Variants in CLSTN2 observed in about 807,000 individuals in gnomAD.
The protein encoded by CLSTN2 is calsyntenin 2.
A neutral mutation model predicts 101.2 loss-of-function variants in CLSTN2; 48 were observed. The ratio of observed to expected loss-of-function variants is 0.47; its 90% CI spans 0.38 to 0.60. CLSTN2 has a LOEUF of 0.60. Among genes scored for constraint, CLSTN2 ranks in the 20% least tolerant of loss-of-function variants. The probability of loss-of-function intolerance (pLI) is 0.00; values close to 1 mark genes in which losing one functional copy is unlikely to be tolerated. For missense variants in CLSTN2, 1,160 were observed against 1,238.2 expected, an observed-to-expected ratio of 0.94 and a Z score of 0.95; for synonymous variants, 481 against 463.6, an observed-to-expected ratio of 1.04 and a Z score of -0.48.
chr3:140,006,648 C>T (rs998411841), intron 1 of CLSTN2, among the ~76,000 whole-genome samples: 5 of 152,204 alleles, frequency 3.3e-5, no homozygotes, highest in African/African-American at 1.2e-4. Context: ...AGTTTCTGTT[C>T]CACACCTGTT....
chr3:140,103,116 C>T (rs1410332560), intron 1 of CLSTN2, among the ~76,000 whole-genome samples: 1 of 152,222 alleles, frequency 6.6e-6, no homozygotes, highest in Non-Finnish European at 1.5e-5. Context: ...CTCAGTCAGA[C>T]TGACCTCAGA....
intron 6 of CLSTN2, among the ~76,000 whole-genome samples, chr3:140,450,985 G>T (rs1288850941): frequency 6.6e-6 from 1 of 152,110 alleles, no homozygotes; most frequent in African/African-American, 2.4e-5. Context: ...TAAGGGATCT[G>T]CACTATTCAG....
chr3:140,545,906 A>T (rs945175539), intron 9 of CLSTN2, among the ~76,000 whole-genome samples: 2 of 152,222 alleles, frequency 1.3e-5, no homozygotes, highest in Non-Finnish European at 2.9e-5. Context: ...GCACGGGTGG[A>T]ATCAACACAT....
intron 5 of CLSTN2, among the ~76,000 whole-genome samples, chr3:140,443,977 C>A (rs143021513): frequency 6.6e-6 from 1 of 152,356 alleles, no homozygotes; most frequent in East Asian, 1.9e-4. Context: ...CCCCCATAAG[C>A]TGCCCTCAAG....
intron 1 of CLSTN2, among the ~76,000 whole-genome samples, chr3:139,955,590 C>A (rs149462899): frequency 2.1e-4 from 1 of 4,744 alleles, no homozygotes; most frequent in African/African-American, 2.4e-4. Context: ...GTCTTCGGGC[C>A]GGGCTCATGG....
rs1004095611 is a variant in CLSTN2, at chr3:140,044,708, A to G, written c.109+109225A>G. On this transcript the variant is annotated intron_variant, in intron 1 of 16. Transcript: ENST00000458420. Reference sequence around the variant, plus strand: ...TATTATTTTGAGATACATCCCATCAATACCTAACTTATTGAGAGTTTTTAG... The same window carrying G: ...TATTATTTTGAGATACATCCCATCAGTACCTAACTTATTGAGAGTTTTTAG... 4.6e-5 allele frequency among the ~76,000 whole-genome samples: 7 copies of G among 152,340 alleles called. No homozygotes were observed. In the East Asian group the frequency reaches 1.2e-3, roughly 25 times the overall value.
chr3:139,935,586 C>T lies in CLSTN2; in HGVS notation c.109+103C>T. ...GCTCAAGCTGGATTTGCCCACCCTC[C>T]CTTGCCGCAGCTTCTTTGGCCTCTG... On this transcript the variant is annotated intron_variant, in intron 1 of 16. Transcript: ENST00000458420. This position sits in a 1 kb window ranked among gnomAD's most constrained non-coding sequence, Gnocchi z 5.5. 1 of 542,826 alleles carries T rather than the reference C, an allele frequency of 1.8e-6. No individual in the cohort carries two copies. Among genetic ancestry groups the T allele is most frequent in the African/African-American group, 1.9e-5 (1 of 51,342 alleles). The allele number at this position is 542,826 out of a possible 1,614,324, so 33.6% of individuals were successfully genotyped here. A position where few individuals can be genotyped will look rare whatever the true frequency, so the allele number is the denominator to read the frequency against.
intron 1 of CLSTN2, among the ~76,000 whole-genome samples, chr3:140,018,201 T>C (rs1334951699): frequency 6.6e-6 from 1 of 152,252 alleles, no homozygotes; most frequent in Admixed American, 6.5e-5. Context: ...TTTCTGTGTC[T>C]GGAAGATGCT....
At chr3:140,020,598 C>A (rs1375460138) in intron 1 of CLSTN2, among the ~76,000 whole-genome samples, 4 of 152,154 alleles carry the variant, frequency 2.6e-5, no homozygotes, top group Non-Finnish European at 5.9e-5. Flanking sequence ...CTCATGCGTT[C>A]CCATTGTGCC....
Position 140,575,743 on chromosome 3 carries a change from T to G in CLSTN2, c.*9490T>G, listed in dbSNP as rs1178469927. 1 of 152,080 alleles carries G rather than the reference T, an allele frequency of 6.6e-6. No homozygotes were observed. Among genetic ancestry groups the G allele is most frequent in the African/African-American group, 2.4e-5 (1 of 41,386 alleles). The allele number at this position is 152,080 out of a possible 1,614,324, so 9.4% of individuals were successfully genotyped here. On this transcript the variant is annotated 3_prime_UTR_variant, in exon 17 of 17. Transcript: ENST00000458420. The stretch of plus-strand genomic sequence containing the variant: ...ATTTGGTAGGGGTATTCGAGAAATT[T>G]GAGTACAAAATATAAATTATCAGAG...
chr3:140,498,593 C>T (rs144830877), intron 8 of CLSTN2, among the ~76,000 whole-genome samples: 11 of 152,302 alleles, frequency 7.2e-5, no homozygotes, highest in East Asian at 3.9e-4. Flanking sequence ...TATTTTCACA[C>T]GCCATATGCA....
At chr3:140,256,349 A>G (rs1372629857) in intron 2 of CLSTN2, among the ~76,000 whole-genome samples, 1 of 152,226 alleles carries the variant, frequency 6.6e-6, no homozygotes, top group Non-Finnish European at 1.5e-5. Context: ...ATTCATGATC[A>G]AACTAGTCCC....
chr3:140,078,652 T>TTTATA (rs1336581935), intron 1 of CLSTN2, among the ~76,000 whole-genome samples: 7 of 152,146 alleles, frequency 4.6e-5, no homozygotes, highest in Non-Finnish European at 1.0e-4. Context: ...GGGTTAATGG[T>TTTATA]AAGCTTTCCC....
At chr3:140,484,193 C>T (rs1021992089) in intron 8 of CLSTN2, among the ~76,000 whole-genome samples, 2 of 152,106 alleles carry the variant, frequency 1.3e-5, no homozygotes, top group Non-Finnish European at 2.9e-5. Flanking sequence ...TGCTTGTCTG[C>T]AAAGGATTTT....
At chr3:140,180,533 G>C (rs1445688260) in intron 2 of CLSTN2, among the ~76,000 whole-genome samples, 1 of 152,184 alleles carries the variant, frequency 6.6e-6, no homozygotes, top group African/African-American at 2.4e-5. Context: ...GGCAAAAAAT[G>C]ATAATGAAAG....
Position 140,566,101 on chromosome 3 carries a change from G to A in CLSTN2, c.2716G>A (p.Glu906Lys). The change falls in exon 17 of 17, where the codon GAG becomes AAG. Residue 906 changes from glutamate to lysine, a missense_variant. Glu to Lys is a moderately conservative substitution (Grantham distance 56). Coordinates refer to ENST00000458420, the MANE Select transcript of CLSTN2 (RefSeq NM_022131.3). ...GGAAGATGAGACTGAGGGAGAAGAGGAGGAAGAAGCCGAGGAAGAAATGAG... is the reference window on the plus strand; with the variant it reads ...GGAAGATGAGACTGAGGGAGAAGAGAAGGAAGAAGCCGAGGAAGAAATGAG... ...HGEDETEGEE[E>K]EEAEEEMSSS... The A allele has an allele frequency of 6.2e-7, 1 of 1,612,750 alleles. No homozygotes were observed. Among genetic ancestry groups the A allele is most frequent in the Non-Finnish European group, 8.5e-7 (1 of 1,178,748 alleles).
At chr3:140,468,788 G>A (rs557744337) in intron 8 of CLSTN2, among the ~76,000 whole-genome samples, 4 of 152,302 alleles carry the variant, frequency 2.6e-5, no homozygotes, top group Non-Finnish European at 4.4e-5. Context: ...AAAAATTTTA[G>A]AGATCAGAAT....
intron 1 of CLSTN2, among the ~76,000 whole-genome samples, chr3:140,126,354 A>G (rs560674666): frequency 6.6e-6 from 1 of 152,236 alleles, no homozygotes; most frequent in East Asian, 1.9e-4. Context: ...TGAAAAAGAC[A>G]TGAAAAGGTG....
In CLSTN2 at chr3:140,419,815, G is replaced by T. The variant is rs776908145; in HGVS notation, c.638-1310G>T. Among the ~76,000 whole-genome samples the T allele has an allele frequency of 1.9e-4, 6 of 31,402 alleles. 2 individuals carry two copies. The highest frequency in any genetic ancestry group is 3.0e-4 in the Non-Finnish European group (6 of 19,682). 20.6% of individuals were successfully genotyped at this position (31,402 alleles called of 152,430 possible). A position where few individuals can be genotyped will look rare whatever the true frequency, so the allele number is the denominator to read the frequency against. Reference sequence around the variant, plus strand: ...TATACGTGTATATACGTGTATATACGTATATATACGTATATGTGTATATAT... The same window carrying T: ...TATACGTGTATATACGTGTATATACTTATATATACGTATATGTGTATATAT... On this transcript the variant is annotated intron_variant, in intron 4 of 16. Coordinates refer to ENST00000458420, the MANE Select transcript of CLSTN2 (RefSeq NM_022131.3).
Sources: gnomAD v4.1 joint callset for allele counts (sites outside exome capture counted in the v4.1 genomes callset) on GRCh38, gnomAD v4.1.1 for gene constraint, Gnocchi (gnomAD v3.1) non-coding constraint, MANE v1.5 for transcripts, NCBI Gene and HGNC (gene_info 2026-07-23, HGNC 2026-07-21) for gene names.